Variants in MALRD1 observed in about 807,000 individuals in gnomAD.
MALRD1 encodes MAM and LDL receptor class A domain containing 1.
MALRD1 carries 247 observed loss-of-function variants against 242.1 expected under a neutral mutation model. The ratio of observed to expected loss-of-function variants is 1.02; its 90% CI spans 0.92 to 1.13. The LOEUF (loss-of-function observed/expected upper bound fraction) is 1.13, where lower values mean the gene tolerates loss of function less well. Among genes scored for constraint, MALRD1 ranks in the 50% most tolerant of loss-of-function variants. MALRD1 has a pLI of 0.00. For missense variants in MALRD1, 2,989 were observed against 2,533.1 expected (o/e 1.18, Z -3.86); for synonymous variants, 995 against 866.6 (o/e 1.15, Z -2.60).
rs149448415 is a variant in MALRD1 at position 19,642,895 on chromosome 10, G to C, written c.6137+26972G>C. On this transcript the variant is annotated intron_variant, in intron 36 of 39. Transcript: ENST00000454679. ...GGTTTCAGGGAGTAGATGCTGATAGGCATGAGCAAACAAAGGGATTATTAC... is the reference window on the plus strand; with the variant it reads ...GGTTTCAGGGAGTAGATGCTGATAGCCATGAGCAAACAAAGGGATTATTAC... Among the ~76,000 whole-genome samples, 397 of 152,242 alleles carry C rather than the reference G, an allele frequency of 2.6e-3. 7 individuals are homozygous for C. The East Asian group carries it at 0.059, about 23-fold the overall frequency.
chr10:19,288,271 C>A (rs1320326548), intron 21 of MALRD1, among the ~76,000 whole-genome samples: 1 of 151,928 alleles, frequency 6.6e-6, no homozygotes, highest in Non-Finnish European at 1.5e-5. Context: ...GAGCAGGGTA[C>A]CCATCCCCTA....
chr10:19,353,695 G>T (rs1844497323), intron 26 of MALRD1, among the ~76,000 whole-genome samples: 1 of 152,192 alleles, frequency 6.6e-6, no homozygotes, highest in Non-Finnish European at 1.5e-5. Context: ...TAATTGACCT[G>T]CCCAAGATAC....
chr10:19,500,743 T>C (rs973939292), intron 31 of MALRD1, among the ~76,000 whole-genome samples: 3 of 152,222 alleles, frequency 2.0e-5, no homozygotes, highest in African/African-American at 7.2e-5. Context: ...TGAGGATATT[T>C]ATGTCAGCAT....
rs144620475 is a variant in MALRD1 at position 19,125,530 on chromosome 10, C to CTTT, written c.943+866_943+868dup. Among the ~76,000 whole-genome samples the CTTT allele has an allele frequency of 2.1e-3, 306 of 146,250 alleles. 5 individuals carry two copies. The highest frequency in any genetic ancestry group is 7.2e-3 in the African/African-American group (287 of 39,592). ...TTTCTGTTTACTTTTATTCTTTTTG[C>CTTT]TTTTTTTTCTTTCTTCCTTTTCTTG... On this transcript the variant is annotated intron_variant, in intron 7 of 39. Transcript: ENST00000454679.
chr10:19,508,521 G>A (rs1367439394), intron 31 of MALRD1, among the ~76,000 whole-genome samples: 1 of 152,190 alleles, frequency 6.6e-6, no homozygotes, highest in Non-Finnish European at 1.5e-5. Context: ...ACTGTCCAAT[G>A]TGTTAGCAAC....
intron 18 of MALRD1, among the ~76,000 whole-genome samples, chr10:19,232,031 G>T (rs138110292): frequency 1.4e-3 from 209 of 152,114 alleles, no homozygotes; most frequent in African/African-American, 4.8e-3. Context: ...AATAAGGATG[G>T]CTCTGAAAAC....
intron 29 of MALRD1, among the ~76,000 whole-genome samples, chr10:19,472,237 C>A (rs1289136152): frequency 6.6e-6 from 1 of 152,016 alleles, no homozygotes; most frequent in Admixed American, 6.5e-5. Flanking sequence ...AACTTTGAAT[C>A]TCATGAATAA....
chr10:19,238,487 A>G (rs1273939992), intron 18 of MALRD1, among the ~76,000 whole-genome samples: 1 of 9,834 alleles, frequency 1.0e-4, no homozygotes, highest in African/African-American at 6.2e-4. Context: ...TATACATTAT[A>G]TATAATATAT....
chr10:19,352,504 G>A (rs570978716), intron 26 of MALRD1, among the ~76,000 whole-genome samples: 3 of 152,044 alleles, frequency 2.0e-5, no homozygotes, highest in African/African-American at 4.8e-5. Flanking sequence ...GTTTTGGTCT[G>A]TTTATCAGTT....
At chr10:19,422,935 T>C (rs144627558) in intron 28 of MALRD1, among the ~76,000 whole-genome samples, 2 of 152,308 alleles carry the variant, frequency 1.3e-5, no homozygotes, top group East Asian at 3.9e-4. Flanking sequence ...CATCAGTAAG[T>C]AGGCTCTGGT....
At chr10:19,125,090 C>T (rs1321747692) in intron 7 of MALRD1, among the ~76,000 whole-genome samples, 1 of 151,130 alleles carries the variant, frequency 6.6e-6, no homozygotes, top group Non-Finnish European at 1.5e-5. Context: ...GGACTACAGG[C>T]ACGTGCTACC....
At chr10:19,208,978 G>T (rs927602780) in intron 17 of MALRD1, among the ~76,000 whole-genome samples, 2 of 152,140 alleles carry the variant, frequency 1.3e-5, no homozygotes, top group African/African-American at 4.8e-5. Flanking sequence ...CATGTGCCTG[G>T]AGTTATGGTC....
At chr10:19,102,742 G>C (rs1052416222) in intron 4 of MALRD1, among the ~76,000 whole-genome samples, 7 of 152,160 alleles carry the variant, frequency 4.6e-5, no homozygotes, top group African/African-American at 1.7e-4. Context: ...TAGTTAATTA[G>C]AAAATCGGAG....
chr10:19,586,222 A>G (rs1837393847), intron 33 of MALRD1, among the ~76,000 whole-genome samples: 1 of 152,158 alleles, frequency 6.6e-6, no homozygotes, highest in African/African-American at 2.4e-5. Context: ...TTCTTCTCTC[A>G]GCTCGTCAAA....
At chr10:19,139,947 A>G (rs2131422303) in intron 10 of MALRD1, among the ~76,000 whole-genome samples, 1 of 152,344 alleles carries the variant, frequency 6.6e-6, no homozygotes, top group African/African-American at 2.4e-5. Flanking sequence ...ATCTAAAAAA[A>G]TTGATAAAAA....
At chr10:19,350,271 C>CTTTTTTTTTTTTTTTTTTTTTTTTTTTT (rs202204577) in intron 25 of MALRD1, among the ~76,000 whole-genome samples, 1 of 118,486 alleles carries the variant, frequency 8.4e-6, no homozygotes, top group African/African-American at 3.2e-5. Context: ...TTCTTTTTTT[C>CTTTTTTTTTTTTTTTTTTTTTTTTTTTT]TTTTTTTTTT....
chr10:19,450,186 T>C, intron 28 of MALRD1, 121 bp from the exon 29 acceptor site: 1 of 860,866 alleles, frequency 1.2e-6, no homozygotes, highest in Non-Finnish European at 1.7e-6. Context: ...TCAGTGCTTC[T>C]TTGTTTTTTC....
At chr10:19,298,630 T>G (rs1841815222) in intron 21 of MALRD1, among the ~76,000 whole-genome samples, 1 of 151,692 alleles carries the variant, frequency 6.6e-6, no homozygotes, top group African/African-American at 2.4e-5. Context: ...CCTTGGAGAG[T>G]GCCTTTTTAA....
At chr10:19,115,915 T>A (rs1836855384) in intron 5 of MALRD1, among the ~76,000 whole-genome samples, 1 of 152,148 alleles carries the variant, frequency 6.6e-6, no homozygotes, top group Non-Finnish European at 1.5e-5. Context: ...TAAGCTATTT[T>A]ATTTATAAAA....
Sources: gnomAD v4.1 joint callset for allele counts (sites outside exome capture counted in the v4.1 genomes callset) on GRCh38, gnomAD v4.1.1 for gene constraint, MANE v1.5 for transcripts, NCBI Gene and HGNC (gene_info 2026-07-23, HGNC 2026-07-21) for gene names.